The following CDC42BPA variants were observed in gnomAD, a reference collection of about 807,000 sequenced individuals.
CDC42BPA encodes serine/threonine-protein kinase MRCK alpha.
A neutral mutation model predicts 223.5 loss-of-function variants in CDC42BPA; 80 were observed. That is an observed-to-expected ratio of 0.36 (90% confidence interval 0.30 to 0.43). The LOEUF (loss-of-function observed/expected upper bound fraction) is 0.43, where lower values mean the gene tolerates loss of function less well. Among genes scored for constraint, CDC42BPA ranks in the 20% least tolerant of loss-of-function variants. CDC42BPA has a pLI of 1.00. For synonymous variants in CDC42BPA, 694 were observed against 718.6 expected (o/e 0.97, Z 0.55); for missense variants, 1,743 against 2,099.9 (o/e 0.83, Z 3.32).
intron 12 of CDC42BPA, 76 bp downstream of exon 12, chr1:227,119,728 T>C (rs1688327055): frequency 1.0e-6 from 1 of 998,450 alleles, no homozygotes; most frequent in Non-Finnish European, 1.4e-6. Context: ...TAATTCATTA[T>C]GAATGCTTTC....
In CDC42BPA at chr1:227,099,193, T is replaced by C. The variant is rs568558080; in HGVS notation, c.2249+1799A>G. Among the ~76,000 whole-genome samples the C allele has an allele frequency of 2.0e-5, 3 of 152,318 alleles. No homozygotes were observed. In the South Asian group the frequency reaches 6.2e-4, roughly 32 times the overall value. ...TAAATGACTGTGTTACTGGTTTATA[T>C]ATTTACTATACTTCGTATCGTTATC... is the stretch of plus-strand genomic sequence containing the variant. On this transcript the variant is annotated intron_variant, in intron 15 of 36. Coordinates refer to ENST00000366766, the MANE Select transcript of CDC42BPA (RefSeq NM_001394014.1).
chr1:227,090,077 T>TA (rs1298567117), intron 16 of CDC42BPA, among the ~76,000 whole-genome samples: 1 of 152,196 alleles, frequency 6.6e-6, no homozygotes, highest in African/African-American at 2.4e-5. Flanking sequence ...AAATAACTGT[T>TA]AAAGTTCATG....
At chr1:227,180,200 C>T (rs190445508) in intron 5 of CDC42BPA, among the ~76,000 whole-genome samples, 15 of 151,902 alleles carry the variant, frequency 9.9e-5, no homozygotes, top group East Asian at 9.7e-4. Context: ...AGTGAGATTC[C>T]GTCATAAATC....
intron 1 of CDC42BPA, among the ~76,000 whole-genome samples, chr1:227,310,990 C>A (rs548035553): frequency 1.9e-3 from 283 of 152,148 alleles, no homozygotes; most frequent in Middle Eastern, 3.4e-3. Flanking sequence ...CGCACCCGGC[C>A]AAGGAGTTTT....
intron 32 of CDC42BPA, among the ~76,000 whole-genome samples, chr1:227,021,846 C>T (rs149240852): frequency 0.011 from 1,631 of 151,776 alleles, 34 homozygotes; most frequent in African/African-American, 0.037. Context: ...GGTGAAACCC[C>T]GTCTCTACTA....
chr1:227,093,852 AG>A (rs1179212047), intron 15 of CDC42BPA, among the ~76,000 whole-genome samples: 1 of 152,210 alleles, frequency 6.6e-6, no homozygotes, highest in Non-Finnish European at 1.5e-5. Flanking sequence ...AGCAAAAGAC[AG>A]TGCTGAGAAC....
At chr1:227,142,862 C>A in intron 9 of CDC42BPA, 83 bp downstream of exon 9, 1 of 812,066 alleles carries the variant, frequency 1.2e-6, no homozygotes, top group Non-Finnish European at 1.9e-6. Flanking sequence ...TCATGATACA[C>A]CTGTCTTGGC....
intron 6 of CDC42BPA, among the ~76,000 whole-genome samples, chr1:227,155,512 T>C (rs1347862939): frequency 6.6e-6 from 1 of 152,108 alleles, no homozygotes; most frequent in Non-Finnish European, 1.5e-5. Context: ...AAGGTAGTCC[T>C]AGGATAGTAC....
intron 1 of CDC42BPA, chr1:227,265,259 A>G: frequency 1.9e-6 from 1 of 538,548 alleles, no homozygotes; most frequent in Non-Finnish European, 3.4e-6. Context: ...GCCGCTTAGT[A>G]GCTGTGAGAC....
chr1:227,169,555 T>A (rs1002566278), intron 5 of CDC42BPA, among the ~76,000 whole-genome samples: 5 of 152,104 alleles, frequency 3.3e-5, no homozygotes, highest in African/African-American at 1.2e-4. Flanking sequence ...AGATTTTGGA[T>A]CCCCTCTCTA....
At chr1:227,026,653 G>C (rs1365466613) in intron 30 of CDC42BPA, among the ~76,000 whole-genome samples, 1 of 152,186 alleles carries the variant, frequency 6.6e-6, no homozygotes, top group African/African-American at 2.4e-5. Context: ...AGCAAAGAAA[G>C]ATTCAATGGT....
chr1:227,302,275 G>A (rs1691771416), intron 1 of CDC42BPA, among the ~76,000 whole-genome samples: 1 of 152,126 alleles, frequency 6.6e-6, no homozygotes, highest in Admixed American at 6.5e-5. Flanking sequence ...TTTAGTAGAA[G>A]TCCCACATCC....
intron 2 of CDC42BPA, among the ~76,000 whole-genome samples, chr1:227,241,581 A>C (rs951821126): frequency 5.3e-5 from 8 of 152,188 alleles, no homozygotes; most frequent in African/African-American, 1.9e-4. Context: ...AAAAGAGTAC[A>C]TACTGTATAA....
chr1:227,205,166 G>A (rs1221264935), intron 3 of CDC42BPA, among the ~76,000 whole-genome samples: 2 of 151,500 alleles, frequency 1.3e-5, no homozygotes, highest in African/African-American at 4.9e-5. Flanking sequence ...CTACTTGGGA[G>A]GGTGAGGCAG....
chr1:227,139,183 TCAC>T (rs775117720), intron 10 of CDC42BPA, among the ~76,000 whole-genome samples: 33 of 152,240 alleles, frequency 2.2e-4, no homozygotes, highest in Non-Finnish European at 4.4e-4. Flanking sequence ...CATTTTAAAA[TCAC>T]CAAATATGGC....
intron 6 of CDC42BPA, 86 bp from the exon 7 acceptor site, chr1:227,147,645 T>C (rs1660930772): frequency 6.0e-6 from 4 of 666,562 alleles, no homozygotes; most frequent in African/African-American, 1.8e-5. Context: ...TAGACATTAT[T>C]ATCTCATAAA....
chr1:227,315,578 T>TAAAAAAA, intron 1 of CDC42BPA, among the ~76,000 whole-genome samples: 1 of 148,552 alleles, frequency 6.7e-6, no homozygotes, highest in East Asian at 2.0e-4. Context: ...CTTTAAGTCT[T>TAAAAAAA]AAAAAAAAAA....
chr1:227,215,736 T>C (rs1243125179), intron 2 of CDC42BPA, among the ~76,000 whole-genome samples: 1 of 151,640 alleles, frequency 6.6e-6, no homozygotes, highest in African/African-American at 2.4e-5. Context: ...TGGCAAAGAA[T>C]ATAACTCTCA....
intron 25 of CDC42BPA, 23 bp downstream of exon 25, chr1:227,035,448 A>T: frequency 6.3e-7 from 1 of 1,580,148 alleles, no homozygotes; most frequent in Non-Finnish European, 8.6e-7. Context: ...GGATTAATCT[A>T]AACCCAACTT....
Sources: allele counts gnomAD v4.1 joint callset (sites outside exome capture counted in the v4.1 genomes callset), GRCh38; gene constraint gnomAD v4.1.1; transcripts MANE v1.5; gene names NCBI Gene and HGNC (gene_info 2026-07-23, HGNC 2026-07-21).